Variants in CHD6 observed in about 807,000 individuals in gnomAD.
CHD6 encodes ATP-dependent chromatin remodeler CHD6.
A neutral mutation model predicts 276.9 loss-of-function variants in CHD6; 50 were observed. The observed-to-expected ratio is 0.18, with a 90% confidence interval of 0.14 to 0.23. The LOEUF is 0.23. Ranked by LOEUF, CHD6 falls within the 10% of genes least tolerant of loss-of-function variation. The pLI, the probability that CHD6 is intolerant of heterozygous loss-of-function variation, is 1.00. For missense variants in CHD6, 2,564 were observed against 3,365.8 expected, an observed-to-expected ratio of 0.76 and a Z score of 5.89; for synonymous variants, 1,173 against 1,229.3, an observed-to-expected ratio of 0.95 and a Z score of 0.96.
At chr20:41,445,792 C>T in intron 24 of CHD6, 24 bp from the exon 25 acceptor site, 1 of 1,459,934 alleles carries the variant, frequency 6.8e-7, no homozygotes, top group African/African-American at 1.4e-5. Context: ...GGTGTAGACT[C>T]AAAACAACAC....
In CHD6 at chr20:41,402,517, C is replaced by T. The variant is rs1311972495; in HGVS notation, c.*2076G>A. On this transcript the variant is annotated 3_prime_UTR_variant, in exon 37 of 37. Transcript: ENST00000373233. ...GCAGCTTTTCCATACAAAACAACAA[C>T]AACACAACGACAACAAAGAAAACCA... is the stretch of plus-strand genomic sequence containing the variant. 4 of 230,862 alleles carry T rather than the reference C, an allele frequency of 1.7e-5. No individual in the cohort carries two copies. Among genetic ancestry groups the T allele is most frequent in the Non-Finnish European group, 3.4e-5 (4 of 116,656 alleles). The allele number at this position is 230,862 out of a possible 1,614,324, so 14.3% of individuals were successfully genotyped here.
At chr20:41,493,248 A>T (rs994841167) in intron 10 of CHD6, among the ~76,000 whole-genome samples, 1 of 152,100 alleles carries the variant, frequency 6.6e-6, no homozygotes, top group Non-Finnish European at 1.5e-5. Flanking sequence ...TTACTTACAA[A>T]TTTTATTTTA....
chr20:41,415,621 T>C lies in CHD6; in HGVS notation c.6504A>G (p.Pro2168=), dbSNP rs1485916620. The C allele has an allele frequency of 2.5e-6, 4 of 1,597,052 alleles. No individual in the cohort carries two copies. In the East Asian group the frequency reaches 8.9e-5, roughly 36 times the overall value. ...GCTTTTGTTCATCCTTTGTGAATAC[T>C]GGAGCTAAGAAGCTCTCCTGTGAAC... ...AQIHKESFLA[P]VFTKDEQKHR... Residue 2168 remains proline (P), a synonymous_variant, in exon 34 of 37, where the codon CCA becomes CCG. Transcript: ENST00000373233.
At position 41,423,561 on chromosome 20, in the gene CHD6, C is replaced by T; in HGVS notation, c.4486G>A (p.Glu1496Lys). ...RLDKKSDESL[E>K]QYFYSFVAMC... ...GCCACAAAACTATAAAAATACTGTT[C>T]CAGGCTCTCATCCGACTTCTTGTCC... Residue 1496 changes from glutamate to lysine, a missense_variant, in exon 30 of 37, where the codon GAA becomes AAA. Coordinates refer to ENST00000373233, the MANE Select transcript of CHD6 (RefSeq NM_032221.5). 2 of 1,614,212 alleles carry T rather than the reference C, an allele frequency of 1.2e-6. No individual in the cohort carries two copies. Among genetic ancestry groups the T allele is most frequent in the Non-Finnish European group, 1.7e-6 (2 of 1,180,032 alleles).
At chr20:41,617,755 G>C (rs1015934798) in intron 1 of CHD6, among the ~76,000 whole-genome samples, 1 of 151,952 alleles carries the variant, frequency 6.6e-6, no homozygotes, top group African/African-American at 2.4e-5. Flanking sequence ...GGGGGTGCGC[G>C]ATCCGAGGCC....
chr20:41,530,677 T>G (rs532662859), intron 3 of CHD6, among the ~76,000 whole-genome samples: 8 of 152,242 alleles, frequency 5.3e-5, no homozygotes, highest in Admixed American at 2.6e-4. Context: ...TACAAAGATA[T>G]AAAAGAGAAG....
intron 1 of CHD6, among the ~76,000 whole-genome samples, chr20:41,556,322 G>GAGAGGT (rs1385874679): frequency 3.3e-5 from 4 of 120,434 alleles, no homozygotes; most frequent in Non-Finnish European, 6.5e-5. Flanking sequence ...GAGGGAGAGG[G>GAGAGGT]CACCTTTTTT....
At chr20:41,498,807 A>ATGTGTGTG (rs753690840) in intron 6 of CHD6, among the ~76,000 whole-genome samples, 18 of 117,644 alleles carry the variant, frequency 1.5e-4, no homozygotes, top group East Asian at 9.3e-4. Context: ...GTATGTATGT[A>ATGTGTGTG]TGTATGTGTG....
intron 3 of CHD6, among the ~76,000 whole-genome samples, chr20:41,525,119 A>G (rs761009821): frequency 6.6e-6 from 1 of 152,118 alleles, no homozygotes; most frequent in Non-Finnish European, 1.5e-5. Context: ...CCTGAATAGG[A>G]AGCCTGGCCT....
intron 29 of CHD6, among the ~76,000 whole-genome samples, chr20:41,424,799 A>AT (rs1356513322): frequency 2.0e-5 from 3 of 152,126 alleles, no homozygotes; most frequent in Non-Finnish European, 4.4e-5. Flanking sequence ...CTTGATAAGG[A>AT]TTTAGCTATA....
Position 41,454,650 on chromosome 20 carries a change from T to A in CHD6, c.3096A>T (p.Leu1032=), listed in dbSNP as rs776401856. ...CCTTTTCATTCTTTGCTTCAGTGTC[T>A]AGTTCAGCTATTTTAGCCCATTTCT... The part of the protein sequence containing the change: ...FWQKWAKIAE[L]DTEAKNEKES... The change falls in exon 20 of 37, where the codon CTA becomes CTT. Residue 1032 remains leucine (L), a synonymous_variant. Transcript: ENST00000373233. 3.2e-5 allele frequency: 52 copies of A among 1,613,428 alleles called. No homozygotes were observed. Among genetic ancestry groups the A allele is most frequent in the Non-Finnish European group, 4.2e-5 (50 of 1,179,586 alleles).
chr20:41,525,692 A>G (rs2044514656), intron 3 of CHD6, among the ~76,000 whole-genome samples: 1 of 152,214 alleles, frequency 6.6e-6, no homozygotes, highest in South Asian at 2.1e-4. Context: ...ATTTGTTTAA[A>G]TGTCTTTTGG....
chr20:41,495,810 T>C (rs946574180), intron 8 of CHD6, among the ~76,000 whole-genome samples: 3 of 152,262 alleles, frequency 2.0e-5, no homozygotes, highest in African/African-American at 7.2e-5. Flanking sequence ...CATCTAATCC[T>C]TGCAGGTATT....
chr20:41,488,598 G>T lies in CHD6; in HGVS notation c.1687C>A (p.Pro563Thr), dbSNP rs769270188. ...EMVYRDAQGNPLSGVFKFHVV... is the reference protein window; with the variant it reads ...EMVYRDAQGNTLSGVFKFHVV... The stretch of plus-strand genomic sequence containing the variant: ...TGGAACTTGAAGACTCCTGAAAGGG[G>T]GTTTCCCTGAGGATGACACAACCAA... Residue 563 changes from proline to threonine, a missense_variant, in exon 13 of 37, where the codon CCC becomes ACC. By Grantham distance (38) the Pro-to-Thr change is conservative. This residue lies in a region of CHD6 where 457 missense variants were observed against 889.0 expected (regional missense o/e 0.51). Transcript: ENST00000373233. 9.3e-6 allele frequency: 15 copies of T among 1,612,508 alleles called. No homozygotes were observed. The highest frequency in any genetic ancestry group is 1.3e-5 in the Non-Finnish European group (15 of 1,179,330).
chr20:41,576,411 C>T (rs2045475001), intron 1 of CHD6, among the ~76,000 whole-genome samples: 1 of 152,200 alleles, frequency 6.6e-6, no homozygotes. Context: ...ACAGGCCAGG[C>T]GTGGTGGCTC....
intron 2 of CHD6, among the ~76,000 whole-genome samples, chr20:41,536,139 A>G (rs1010047707): frequency 1.3e-5 from 2 of 152,210 alleles, no homozygotes; most frequent in Non-Finnish European, 2.9e-5. Context: ...GCTTTGTTTC[A>G]GCTTCTACCA....
intron 24 of CHD6, among the ~76,000 whole-genome samples, chr20:41,447,671 A>T (rs976798041): frequency 6.6e-6 from 1 of 152,224 alleles, no homozygotes; most frequent in Non-Finnish European, 1.5e-5. Context: ...CTAGGTTTCT[A>T]AGAAATGGTT....
chr20:41,410,895 T>A (rs1188995074), intron 36 of CHD6, among the ~76,000 whole-genome samples: 1 of 152,052 alleles, frequency 6.6e-6, no homozygotes, highest in Non-Finnish European at 1.5e-5. Flanking sequence ...CTTCCCTTGA[T>A]GGCGTATCTG....
At chr20:41,506,556 C>T (rs747815353) in intron 5 of CHD6, among the ~76,000 whole-genome samples, 10 of 152,212 alleles carry the variant, frequency 6.6e-5, no homozygotes, top group Non-Finnish European at 1.0e-4. Flanking sequence ...GCAATCCTCA[C>T]CCTGAATTCC....
Sources: allele counts gnomAD v4.1 joint callset (sites outside exome capture counted in the v4.1 genomes callset), GRCh38; gene constraint gnomAD v4.1.1; regional missense constraint gnomAD v4.1.1; transcripts MANE v1.5; gene names NCBI Gene and HGNC (gene_info 2026-07-23, HGNC 2026-07-21).